NEGR1: variants seen among roughly 807,000 people sequenced by gnomAD.
The protein encoded by NEGR1 is IgLON family member 4.
A neutral mutation model predicts 40.9 loss-of-function variants in NEGR1; 10 were observed. The observed-to-expected ratio is 0.24, with a 90% CI of 0.15 to 0.42. The LOEUF is 0.42. NEGR1 is among the 10% of genes least tolerant of loss of function. The pLI, the probability that NEGR1 is intolerant of heterozygous loss-of-function variation, is 1.00. For missense variants in NEGR1, 352 were observed against 438.9 expected (o/e 0.80, Z 1.77); for synonymous variants, 185 against 166.8 (o/e 1.11, Z -0.84).
At chr1:71,984,334 C>T (rs1453568990) in intron 1 of NEGR1, among the ~76,000 whole-genome samples, 1 of 117,536 alleles carries the variant, frequency 8.5e-6, no homozygotes, top group Non-Finnish European at 2.0e-5. Flanking sequence ...CACCATGTTG[C>T]CTAGACTGGT....
intron 6 of NEGR1, among the ~76,000 whole-genome samples, chr1:71,534,446 C>T (rs1444431646): frequency 6.6e-6 from 1 of 151,692 alleles, no homozygotes; most frequent in Admixed American, 6.6e-5. Context: ...ATGGATCATG[C>T]TGCCTAGCTG....
At chr1:72,169,257 A>G (rs1366826457) in intron 1 of NEGR1, among the ~76,000 whole-genome samples, 1 of 152,138 alleles carries the variant, frequency 6.6e-6, no homozygotes, top group Admixed American at 6.6e-5. Flanking sequence ...CATCAGATGT[A>G]AATCAGATCT....
At chr1:71,528,989 T>C (rs925699729) in intron 6 of NEGR1, among the ~76,000 whole-genome samples, 2 of 151,156 alleles carry the variant, frequency 1.3e-5, no homozygotes, top group African/African-American at 4.8e-5. Flanking sequence ...AGATGAATCG[T>C]ATTTCAAAAC....
chr1:71,842,985 A>T (rs574888), intron 2 of NEGR1, among the ~76,000 whole-genome samples: 141,033 of 152,052 alleles, frequency 0.93, 65,475 homozygotes, highest in East Asian at 1. Context: ...ACTATTTTTT[A>T]AAAAACTTAA....
At chr1:72,120,599 C>A (rs940282031) in intron 1 of NEGR1, among the ~76,000 whole-genome samples, 1 of 151,432 alleles carries the variant, frequency 6.6e-6, no homozygotes, top group Admixed American at 6.6e-5. Context: ...CATGCTGGTG[C>A]GCTGCACCCA....
chr1:71,703,026 C>T (rs529334091), intron 3 of NEGR1, among the ~76,000 whole-genome samples: 1 of 152,070 alleles, frequency 6.6e-6, no homozygotes, highest in South Asian at 2.1e-4. Flanking sequence ...GTTTTCTTGT[C>T]GTTGCTGAGT....
At chr1:71,522,753 A>ACACACG (rs1432522531) in intron 6 of NEGR1, among the ~76,000 whole-genome samples, 5 of 149,422 alleles carry the variant, frequency 3.3e-5, no homozygotes, top group African/African-American at 1.2e-4. Context: ...ACACACACAC[A>ACACACG]CACGCACAAT....
At chr1:72,152,002 G>T (rs1237895634) in intron 1 of NEGR1, among the ~76,000 whole-genome samples, 2 of 151,702 alleles carry the variant, frequency 1.3e-5, no homozygotes, top group East Asian at 3.9e-4. Flanking sequence ...CAGAATTTTT[G>T]TAGAACAATT....
intron 6 of NEGR1, among the ~76,000 whole-genome samples, chr1:71,513,064 T>C (rs1647087965): frequency 6.6e-6 from 1 of 152,204 alleles, no homozygotes; most frequent in South Asian, 2.1e-4. Flanking sequence ...TTTCTCCTGA[T>C]GGAATAGTTT....
At chr1:71,560,079 CATGATGATG>C (rs3050879) in intron 6 of NEGR1, among the ~76,000 whole-genome samples, 1 of 149,732 alleles carries the variant, frequency 6.7e-6, no homozygotes, top group African/African-American at 2.4e-5. Context: ...ACTAAGAGGT[CATGATGATG>C]ATGATGATGA....
At chr1:72,123,520 C>A (rs1477303683) in intron 1 of NEGR1, among the ~76,000 whole-genome samples, 2 of 151,278 alleles carry the variant, frequency 1.3e-5, no homozygotes, top group African/African-American at 4.9e-5. Context: ...GCCTTTATGG[C>A]AAATGGATGA....
At chr1:71,528,209 G>T (rs1647250364) in intron 6 of NEGR1, among the ~76,000 whole-genome samples, 1 of 151,232 alleles carries the variant, frequency 6.6e-6, no homozygotes, top group Admixed American at 6.6e-5. Flanking sequence ...GTTTTTGCTT[G>T]CTATGGTACT....
intron 1 of NEGR1, among the ~76,000 whole-genome samples, chr1:72,149,639 T>C (rs1651041806): frequency 6.6e-6 from 1 of 151,258 alleles, no homozygotes; most frequent in Admixed American, 6.6e-5. Context: ...TCCCAGAACT[T>C]TGGGAGGCTG....
intron 4 of NEGR1, among the ~76,000 whole-genome samples, chr1:71,615,676 A>G (rs1436046034): frequency 6.6e-6 from 1 of 152,240 alleles, no homozygotes; most frequent in East Asian, 1.9e-4. Context: ...CCCAGATTCT[A>G]TAGGGTCTAG....
At chr1:71,888,138 A>G (rs1345550982) in intron 2 of NEGR1, among the ~76,000 whole-genome samples, 1 of 151,942 alleles carries the variant, frequency 6.6e-6, no homozygotes, top group Non-Finnish European at 1.5e-5. Flanking sequence ...AGATGACTCT[A>G]TTTTATTTTT....
intron 2 of NEGR1, among the ~76,000 whole-genome samples, chr1:71,782,113 T>A (rs1656738727): frequency 6.6e-6 from 1 of 152,092 alleles, no homozygotes; most frequent in Non-Finnish European, 1.5e-5. Flanking sequence ...TGAGTTAAAA[T>A]CTTAACCCCC....
intron 2 of NEGR1, among the ~76,000 whole-genome samples, chr1:71,843,000 T>G (rs747133950): frequency 6.6e-6 from 1 of 152,206 alleles, no homozygotes; most frequent in Non-Finnish European, 1.5e-5. Flanking sequence ...ACTTAACTTC[T>G]TTGGGCAATA....
chr1:72,058,173 A>G (rs2100489051), intron 1 of NEGR1, among the ~76,000 whole-genome samples: 1 of 151,772 alleles, frequency 6.6e-6, no homozygotes, highest in South Asian at 2.1e-4. Context: ...CACCATGACC[A>G]ATATGAGATG....
intron 1 of NEGR1, among the ~76,000 whole-genome samples, chr1:72,181,850 A>G (rs1652383473): frequency 6.6e-6 from 1 of 152,142 alleles, no homozygotes; most frequent in South Asian, 2.1e-4. Flanking sequence ...AAATATACAA[A>G]GAGAATGAAA....
Sources: allele counts gnomAD v4.1 joint callset (sites outside exome capture counted in the v4.1 genomes callset), GRCh38; gene constraint gnomAD v4.1.1; transcripts MANE v1.5; gene names NCBI Gene and HGNC (gene_info 2026-07-23, HGNC 2026-07-21).